Variants in PXDNL observed in about 807,000 individuals in gnomAD.
The protein encoded by PXDNL is probable oxidoreductase PXDNL.
In PXDNL, 145 loss-of-function variants were observed where a neutral mutation model predicts 150.8. That is an observed-to-expected ratio of 0.96 (90% CI 0.84 to 1.10). The LOEUF (loss-of-function observed/expected upper bound fraction) is 1.10. Ranked by LOEUF, PXDNL falls within the 50% of genes least tolerant of loss-of-function variation. The pLI, the probability that PXDNL is intolerant of heterozygous loss-of-function variation, is 0.00. For synonymous variants in PXDNL, 757 were observed against 725.7 expected, an observed-to-expected ratio of 1.04 and a Z score of -0.69; for missense variants, 2,087 against 1,873.9, an observed-to-expected ratio of 1.11 and a Z score of -2.10.
At chr8:51,486,790 ATATATTTTTTTTTTTT>A (rs1159090309) in intron 5 of PXDNL, among the ~76,000 whole-genome samples, 196 of 23,754 alleles carry the variant, frequency 8.3e-3, no homozygotes, top group South Asian at 0.015. Context: ...ATATATATAT[ATATATTTTTTTTTTTT>A]TTTTTTTTTT....
intron 1 of PXDNL, among the ~76,000 whole-genome samples, chr8:51,746,146 G>T (rs895128222): frequency 1.5e-4 from 23 of 152,086 alleles, no homozygotes; most frequent in African/African-American, 5.3e-4. Flanking sequence ...AAGCTCCAGA[G>T]ATGTAGCCAT....
chr8:51,441,871 T>C (rs1257954155), intron 12 of PXDNL, among the ~76,000 whole-genome samples: 1 of 152,134 alleles, frequency 6.6e-6, no homozygotes, highest in Non-Finnish European at 1.5e-5. Flanking sequence ...CATCAGGGAA[T>C]AGAGTACTGG....
intron 17 of PXDNL, among the ~76,000 whole-genome samples, chr8:51,375,436 C>T (rs76026187): frequency 0.025 from 3,765 of 152,260 alleles, 69 homozygotes; most frequent in East Asian, 0.073. Flanking sequence ...AAACGTGACA[C>T]CAACTTAACT....
At chr8:51,668,996 T>A (rs990224653) in intron 1 of PXDNL, among the ~76,000 whole-genome samples, 1 of 152,148 alleles carries the variant, frequency 6.6e-6, no homozygotes, top group African/African-American at 2.4e-5. Context: ...TTAATTAAAA[T>A]AAGTATCATT....
chr8:51,732,111 G>A (rs1353386069), intron 1 of PXDNL, among the ~76,000 whole-genome samples: 1 of 152,112 alleles, frequency 6.6e-6, no homozygotes, highest in Non-Finnish European at 1.5e-5. Context: ...CTTTTATGTT[G>A]TACTTCCCTT....
At position 51,319,844 on chromosome 8, in the gene PXDNL, C is replaced by T. The variant is rs1805262425; in HGVS notation, c.*47G>A. 7.0e-7 allele frequency: 1 copy of T among 1,421,064 alleles called. No homozygotes were observed. Among genetic ancestry groups the T allele is most frequent in the South Asian group, 1.8e-5 (1 of 56,822 alleles). 88.0% of individuals were successfully genotyped at this position (1,421,064 alleles called of 1,614,324 possible). A position where few individuals can be genotyped will look rare whatever the true frequency, so the allele number is the denominator to read the frequency against. ...AAAAGTTCTGAAGTCCTAAATGTCT[C>T]TTCCTGAGAAATTTCCCATTTGGGG... On this transcript the variant is annotated 3_prime_UTR_variant, in exon 23 of 23. Transcript: ENST00000356297.
intron 21 of PXDNL, among the ~76,000 whole-genome samples, chr8:51,323,344 A>T (rs1805384549): frequency 6.6e-6 from 1 of 152,168 alleles, no homozygotes; most frequent in Admixed American, 6.5e-5. Flanking sequence ...TAGTGGCACC[A>T]TCATGGCTCA....
In PXDNL at chr8:51,511,629, G is replaced by C. The variant is rs368847525; in HGVS notation, c.381-11859C>G. The stretch of plus-strand genomic sequence containing the variant: ...CACTCACTGACCAGTTGCAAGGAGG[G>C]GGCTGCAGGCCAGACTCAGGCAGGC... On this transcript the variant is annotated intron_variant, in intron 4 of 22. Transcript: ENST00000356297. 2.0e-4 allele frequency among the ~76,000 whole-genome samples: 30 copies of C among 152,308 alleles called. 1 individual carries two copies. In the East Asian group the frequency reaches 2.1e-3, roughly 11 times the overall value.
chr8:51,723,210 A>AC (rs1585702175), intron 1 of PXDNL, among the ~76,000 whole-genome samples: 2 of 151,772 alleles, frequency 1.3e-5, no homozygotes, highest in Admixed American at 6.6e-5. Flanking sequence ...ATTCAGAAAA[A>AC]AAAAATCTTT....
chr8:51,504,094 G>A lies in PXDNL; in HGVS notation c.381-4324C>T, dbSNP rs530142764. Among the ~76,000 whole-genome samples, 137 of 152,154 alleles carry A rather than the reference G, an allele frequency of 9.0e-4. 1 individual carries two copies. The highest frequency in any genetic ancestry group is 2.6e-3 in the African/African-American group (108 of 41,506). Reference sequence around the variant, plus strand: ...CTCCCTGTATCTTACCCAATTCTGCGTTTTTTATTTTGCCTCCTAAATATC... The same window carrying A: ...CTCCCTGTATCTTACCCAATTCTGCATTTTTTATTTTGCCTCCTAAATATC... On this transcript the variant is annotated intron_variant, in intron 4 of 22. Coordinates refer to ENST00000356297, the MANE Select transcript of PXDNL (RefSeq NM_144651.5).
intron 2 of PXDNL, among the ~76,000 whole-genome samples, chr8:51,626,319 TA>T (rs1173482173): frequency 2.0e-5 from 3 of 152,200 alleles, no homozygotes; most frequent in African/African-American, 7.2e-5. Context: ...TGTATGGATA[TA>T]AAAACTACAG....
chr8:51,752,352 G>C (rs994720773), intron 1 of PXDNL, among the ~76,000 whole-genome samples: 4 of 152,040 alleles, frequency 2.6e-5, no homozygotes, highest in Admixed American at 2.6e-4. Context: ...AATGGGTCCT[G>C]TTAAGAATTC....
intron 17 of PXDNL, among the ~76,000 whole-genome samples, chr8:51,402,542 G>A (rs565374377): frequency 6.6e-6 from 1 of 152,032 alleles, no homozygotes; most frequent in Non-Finnish European, 1.5e-5. Flanking sequence ...AAATAAAGCC[G>A]AGGCAGTTAC....
At chr8:51,456,991 C>A (rs989203285) in intron 9 of PXDNL, among the ~76,000 whole-genome samples, 1 of 152,126 alleles carries the variant, frequency 6.6e-6, no homozygotes, top group Non-Finnish European at 1.5e-5. Context: ...ACCATGTCAA[C>A]ATGCTATTAA....
intron 1 of PXDNL, among the ~76,000 whole-genome samples, chr8:51,736,001 C>T (rs1040950071): frequency 8.5e-5 from 13 of 152,268 alleles, no homozygotes; most frequent in African/African-American, 3.1e-4. Context: ...CTAATAAACT[C>T]CCAAGTTGAA....
chr8:51,517,765 C>G (rs1408175688), intron 4 of PXDNL, among the ~76,000 whole-genome samples: 2 of 152,200 alleles, frequency 1.3e-5, no homozygotes, highest in African/African-American at 4.8e-5. Context: ...TAATTGCAAT[C>G]TAGTACATTG....
chr8:51,727,412 A>G (rs1337104051), intron 1 of PXDNL, among the ~76,000 whole-genome samples: 7 of 152,268 alleles, frequency 4.6e-5, no homozygotes, highest in Non-Finnish European at 7.3e-5. Flanking sequence ...GAATGAAGTT[A>G]AACAATAATG....
chr8:51,394,754 C>A (rs748453134), intron 17 of PXDNL, among the ~76,000 whole-genome samples: 7 of 152,204 alleles, frequency 4.6e-5, no homozygotes, highest in Non-Finnish European at 8.8e-5. Flanking sequence ...CTCTAACTAG[C>A]ATTCATAGTG....
chr8:51,439,558 C>G (rs1809491058), intron 12 of PXDNL, among the ~76,000 whole-genome samples: 1 of 152,134 alleles, frequency 6.6e-6, no homozygotes. Context: ...GGTGTGGTGG[C>G]TTACGCTTGT....
Sources: gnomAD v4.1 joint callset for allele counts (sites outside exome capture counted in the v4.1 genomes callset) on GRCh38, gnomAD v4.1.1 for gene constraint, MANE v1.5 for transcripts, NCBI Gene and HGNC (gene_info 2026-07-23, HGNC 2026-07-21) for gene names.